DLG5: variants seen among roughly 807,000 people sequenced by gnomAD.
The protein encoded by DLG5 is disks large homolog 5.
DLG5 carries 48 observed loss-of-function variants against 189.8 expected under a neutral mutation model. That is an observed-to-expected ratio of 0.25 (90% CI 0.20 to 0.32). DLG5 has a LOEUF of 0.32. DLG5 is among the 10% of genes least tolerant of loss of function. The pLI is 1.00. For synonymous variants in DLG5, 1,016 were observed against 1,054.1 expected (o/e 0.96, Z 0.70); for missense variants, 2,160 against 2,544.7 (o/e 0.85, Z 3.25).
intron 27 of DLG5, among the ~76,000 whole-genome samples, chr10:77,797,055 GGCCAT>G (rs1432300842): frequency 6.6e-5 from 10 of 152,264 alleles, no homozygotes; most frequent in African/African-American, 2.4e-4. Context: ...AGCCAGCTCT[GGCCAT>G]GCAGTTGAGG....
chr10:77,852,766 T>C (rs1005650898), intron 5 of DLG5, among the ~76,000 whole-genome samples: 13 of 152,228 alleles, frequency 8.5e-5, no homozygotes, highest in African/African-American at 3.1e-4. Flanking sequence ...GAAACCAAAA[T>C]GAACCTGTGG....
Position 77,792,431 on chromosome 10 carries a change from A to C in DLG5, c.*9T>G. The C allele has an allele frequency of 6.2e-7, 1 of 1,613,876 alleles. No homozygotes were observed. ...GGCCAGCTGCAGTCATCCACAGCACAGCATTCTCCTAGAGCGGGCAGGCTG... is the reference window on the plus strand; with the variant it reads ...GGCCAGCTGCAGTCATCCACAGCACCGCATTCTCCTAGAGCGGGCAGGCTG... On this transcript the variant is annotated 3_prime_UTR_variant, in exon 32 of 32. Coordinates refer to ENST00000372391, the MANE Select transcript of DLG5 (RefSeq NM_004747.4).
the DLG5 span, among the ~76,000 whole-genome samples, chr10:77,939,441 A>AC: frequency 1.3e-5 from 2 of 150,940 alleles, no homozygotes; most frequent in Non-Finnish European, 3.0e-5. Flanking sequence ...TAAAACAGAA[A>AC]CCCCCCTGGG....
chr10:77,892,683 G>C (rs1845645124), intron 1 of DLG5, among the ~76,000 whole-genome samples: 2 of 152,198 alleles, frequency 1.3e-5, no homozygotes, highest in South Asian at 4.1e-4. Context: ...GACCAGGGTG[G>C]TACCTTCATC....
intron 1 of DLG5, among the ~76,000 whole-genome samples, chr10:77,900,371 G>A (rs1009207437): frequency 1.3e-5 from 2 of 152,066 alleles, no homozygotes; most frequent in Admixed American, 6.6e-5. Flanking sequence ...ATATCCTCAC[G>A]CTTCTGCTTC....
chr10:77,812,130 G>A, intron 21 of DLG5, 73 bp from the exon 22 acceptor site: 1 of 1,598,442 alleles, frequency 6.3e-7, no homozygotes, highest in Non-Finnish European at 8.5e-7. Context: ...GGGGACTTGG[G>A]AGCACTGCTG....
chr10:77,851,249 C>T (rs1426511088), intron 5 of DLG5, among the ~76,000 whole-genome samples: 1 of 152,206 alleles, frequency 6.6e-6, no homozygotes, highest in Non-Finnish European at 1.5e-5. Flanking sequence ...ATATTTTTGC[C>T]TCTTTAGAAA....
intron 27 of DLG5, among the ~76,000 whole-genome samples, chr10:77,801,289 C>T (rs1437812586): frequency 1.3e-5 from 2 of 152,092 alleles, no homozygotes; most frequent in Admixed American, 6.5e-5. Context: ...CAAGTGGAAA[C>T]TCTAGAGTGA....
rs774894085 is a variant in DLG5, at chr10:77,821,480, G to T, written c.3004C>A (p.Gln1002Lys). 3.1e-6 allele frequency: 5 copies of T among 1,612,888 alleles called. No homozygotes were observed. Among genetic ancestry groups the T allele is most frequent in the Non-Finnish European group, 4.2e-6 (5 of 1,179,972 alleles). The change falls in exon 15 of 32, where the codon CAG becomes AAG. Residue 1002 changes from glutamine (Q) to lysine (K), a missense_variant. This residue lies in a region of DLG5 where 754 missense variants were observed against 746.5 expected (regional missense o/e 1.01). Transcript: ENST00000372391. ...AGAGGCCCCGCCCTCTTGGAGGGCT[G>T]GGGAGAGTGAGCAGGCCCAGGACCT... Reference protein sequence around the residue: ...LPGPGPAHSPQPSKRAGPLTP... With the variant: ...LPGPGPAHSPKPSKRAGPLTP...
chr10:77,911,146 T>C (rs1159683157), intron 1 of DLG5, among the ~76,000 whole-genome samples: 1 of 152,190 alleles, frequency 6.6e-6, no homozygotes, highest in African/African-American at 2.4e-5. Context: ...GATTGATTGA[T>C]TGAGACAGGG....
intron 1 of DLG5, among the ~76,000 whole-genome samples, chr10:77,872,001 C>T (rs974811589): frequency 2.6e-5 from 4 of 152,188 alleles, no homozygotes; most frequent in Non-Finnish European, 5.9e-5. Flanking sequence ...AACTCAACTA[C>T]CATTTTTTAA....
intron 5 of DLG5, among the ~76,000 whole-genome samples, chr10:77,850,842 C>A (rs1843935125): frequency 6.6e-6 from 1 of 152,212 alleles, no homozygotes; most frequent in Non-Finnish European, 1.5e-5. Flanking sequence ...GATGTGCCAA[C>A]CTCGTGCTTT....
At chr10:77,856,993 CA>C in intron 2 of DLG5, 101 bp from the exon 3 acceptor site, 1 of 1,148,732 alleles carries the variant, frequency 8.7e-7, no homozygotes, top group Non-Finnish European at 1.2e-6. Context: ...ATTCGTGACC[CA>C]ACAAGTGGGT....
intron 1 of DLG5, among the ~76,000 whole-genome samples, chr10:77,876,873 CTT>C (rs35257302): frequency 2.8e-5 from 4 of 143,304 alleles, no homozygotes; most frequent in Non-Finnish European, 4.6e-5. Flanking sequence ...TCTGTCCATT[CTT>C]TTTTTTTTTT....
chr10:77,854,038 A>G (rs1259401424), intron 4 of DLG5, among the ~76,000 whole-genome samples, 189 bp downstream of exon 4: 8 of 152,260 alleles, frequency 5.3e-5, no homozygotes, highest in Admixed American at 4.6e-4. Context: ...TGAAGGATTA[A>G]TAGCCTTGTT....
intron 22 of DLG5, 22 bp from the exon 23 acceptor site, chr10:77,811,256 G>T (rs997051263): frequency 1.2e-6 from 2 of 1,609,238 alleles, no homozygotes; most frequent in Non-Finnish European, 8.5e-7. Flanking sequence ...GGACAGGAGG[G>T]ATAAGGAGCA....
chr10:77,794,999 G>C, intron 29 of DLG5, 41 bp from the exon 30 acceptor site: 1 of 1,551,398 alleles, frequency 6.4e-7, no homozygotes, highest in Non-Finnish European at 8.9e-7. Flanking sequence ...CGGGCAGTGA[G>C]GGGCAGCCAG....
chr10:77,817,702 T>A, intron 18 of DLG5, 75 bp downstream of exon 18: 3 of 1,343,746 alleles, frequency 2.2e-6, no homozygotes, highest in Non-Finnish European at 3.1e-6. Context: ...CACCCGCAGA[T>A]CTGGACATTA....
chr10:77,829,102 T>C, intron 12 of DLG5, 117 bp from the exon 13 acceptor site: 1 of 1,153,058 alleles, frequency 8.7e-7, no homozygotes, highest in Non-Finnish European at 1.2e-6. Context: ...GGCTGCGCCC[T>C]GTCTACGCCT....
Sources: gnomAD v4.1 joint callset for allele counts (sites outside exome capture counted in the v4.1 genomes callset) on GRCh38, gnomAD v4.1.1 for gene constraint, gnomAD v4.1.1 regional missense constraint, MANE v1.5 for transcripts, NCBI Gene and HGNC (gene_info 2026-07-23, HGNC 2026-07-21) for gene names.